NLGN4X: variants seen among roughly 807,000 people sequenced by gnomAD.
NLGN4X encodes neuroligin-4, X-linked.
A neutral mutation model predicts 40.3 loss-of-function variants in NLGN4X; 3 were observed. That is an observed-to-expected ratio of 0.07 (90% CI 0.03 to 0.19). NLGN4X has a LOEUF of 0.19. Among genes scored for constraint, NLGN4X ranks in the 10% least tolerant of loss-of-function variants. NLGN4X has a pLI of 1.00. For missense variants in NLGN4X, 382 were observed against 708.3 expected, an observed-to-expected ratio of 0.54 and a Z score of 5.23; for synonymous variants, 270 against 306.8, an observed-to-expected ratio of 0.88 and a Z score of 1.25.
intron 2 of NLGN4X, among the ~76,000 whole-genome samples, chrX:6,098,662 C>T (rs182484539): frequency 8.9e-6 from 1 of 111,977 alleles, no homozygotes; most frequent in Non-Finnish European, 1.9e-5. Context: ...GCCTAACTCC[C>T]CATTGCCGCT....
chrX:6,177,055 A>G (rs1920965552), intron 1 of NLGN4X, among the ~76,000 whole-genome samples: 1 of 112,440 alleles, frequency 8.9e-6, no homozygotes, highest in South Asian at 3.7e-4. Context: ...GTGACAAAGT[A>G]AAAGGGAAAA....
chrX:6,218,076 C>T (rs1478535536), intron 1 of NLGN4X, among the ~76,000 whole-genome samples: 1 of 111,688 alleles, frequency 9.0e-6, no homozygotes, highest in Non-Finnish European at 1.9e-5. Flanking sequence ...CCACAGCATA[C>T]AGTTGGCATG....
chrX:5,961,097 G>A (rs1255624829), intron 3 of NLGN4X, among the ~76,000 whole-genome samples: 3 of 110,650 alleles, frequency 2.7e-5, no homozygotes, highest in African/African-American at 9.9e-5. Flanking sequence ...GCGCGATCTC[G>A]GCTCACTGCA....
At chrX:6,157,908 G>T (rs951227674) in intron 1 of NLGN4X, among the ~76,000 whole-genome samples, 4 of 111,476 alleles carry the variant, frequency 3.6e-5, no homozygotes, top group Non-Finnish European at 7.5e-5. Flanking sequence ...ATGGGGTAAA[G>T]AAGGAGTTCC....
chrX:6,139,851 T>C (rs1276161740), intron 2 of NLGN4X, among the ~76,000 whole-genome samples: 1 of 111,725 alleles, frequency 9.0e-6, no homozygotes, highest in East Asian at 2.8e-4. Flanking sequence ...ATTTATTTAC[T>C]AATAATTTTT....
chrX:6,184,602 T>TA (rs201927036), intron 1 of NLGN4X, among the ~76,000 whole-genome samples: 7 of 108,261 alleles, frequency 6.5e-5, no homozygotes, highest in African/African-American at 1.0e-4. Context: ...TATCTTCTAT[T>TA]AAAAAAAAAA....
chrX:6,166,769 A>ATT (rs2040504338), intron 1 of NLGN4X, among the ~76,000 whole-genome samples: 2 of 111,254 alleles, frequency 1.8e-5, no homozygotes, highest in Admixed American at 1.9e-4. Context: ...TGCCCTGAGC[A>ATT]TAAGTACTTG....
At chrX:5,936,435 A>C (rs2033732067) in intron 3 of NLGN4X, among the ~76,000 whole-genome samples, 1 of 112,393 alleles carries the variant, frequency 8.9e-6, no homozygotes, top group Non-Finnish European at 1.9e-5. Flanking sequence ...CTAAATAATT[A>C]AGTCTCAATA....
At chrX:5,919,590 C>T (rs2032948337) in intron 3 of NLGN4X, among the ~76,000 whole-genome samples, 1 of 111,261 alleles carries the variant, frequency 9.0e-6, no homozygotes, top group African/African-American at 3.3e-5. Context: ...CTCCCTACCA[C>T]TCACATTACC....
intron 4 of NLGN4X, 130 bp from the exon 5 acceptor site, chrX:5,903,996 T>G: frequency 2.5e-6 from 2 of 804,300 alleles, no homozygotes; most frequent in African/African-American, 2.0e-5. Context: ...TTCAGCTCTG[T>G]CAGGGGCCCT....
At chrX:6,165,218 C>A (rs139064142) in intron 1 of NLGN4X, among the ~76,000 whole-genome samples, 1 of 112,009 alleles carries the variant, frequency 8.9e-6, no homozygotes, top group African/African-American at 3.2e-5. Context: ...ATAACCAAGG[C>A]TTCCAAGATC....
intron 2 of NLGN4X, among the ~76,000 whole-genome samples, chrX:6,109,590 C>A (rs1414003414): frequency 9.0e-6 from 1 of 111,493 alleles, no homozygotes; most frequent in Non-Finnish European, 1.9e-5. Context: ...AAAACTTTCG[C>A]AATCTCTCAC....
In NLGN4X at chrX:5,890,259, T is replaced by C. The variant is rs1415681810; in HGVS notation, c.*2558A>G. On this transcript the variant is annotated 3_prime_UTR_variant, in exon 6 of 6. Transcript: ENST00000381095. ...TTTTTCTTACTTTTTTCTCATTTTT[T>C]TTCTTTTTTCTCTTTTTTATAGATA... 1.2e-5 allele frequency: 2 copies of C among 165,838 alleles called. No homozygotes were observed. Among genetic ancestry groups the C allele is most frequent in the Non-Finnish European group, 2.2e-5 (2 of 90,572 alleles). The allele number at this position is 165,838 out of a possible 1,213,427, so 13.7% of individuals were successfully genotyped here.
chrX:6,121,155 CA>C, intron 2 of NLGN4X, among the ~76,000 whole-genome samples: 1 of 106,047 alleles, frequency 9.4e-6, no homozygotes, highest in African/African-American at 3.4e-5. Flanking sequence ...TACATACACA[CA>C]CACACACACA....
chrX:6,087,151 T>G (rs906803651), intron 2 of NLGN4X, among the ~76,000 whole-genome samples: 2 of 112,101 alleles, frequency 1.8e-5, no homozygotes, highest in African/African-American at 6.5e-5. Flanking sequence ...TAAATATAGG[T>G]GCAGTTATGG....
At chrX:6,066,733 C>A (rs2037927156) in intron 2 of NLGN4X, among the ~76,000 whole-genome samples, 2 of 110,676 alleles carry the variant, frequency 1.8e-5, no homozygotes, top group African/African-American at 3.3e-5. Context: ...TGCAGTGAGC[C>A]AAGATCGCGT....
chrX:6,161,841 T>A (rs1333364692), intron 1 of NLGN4X, among the ~76,000 whole-genome samples: 2 of 110,503 alleles, frequency 1.8e-5, no homozygotes, highest in Non-Finnish European at 3.8e-5. Context: ...TTTTTTGAGG[T>A]TTAAAGAGAT....
At chrX:6,223,206 G>A (rs1925864661) in intron 1 of NLGN4X, among the ~76,000 whole-genome samples, 1 of 110,313 alleles carries the variant, frequency 9.1e-6, no homozygotes, top group African/African-American at 3.3e-5. Flanking sequence ...TATTGTTGGG[G>A]TTAGGTCTGT....
intron 1 of NLGN4X, among the ~76,000 whole-genome samples, chrX:6,209,832 T>G (rs922082767): frequency 5.4e-5 from 6 of 111,569 alleles, no homozygotes; most frequent in Admixed American, 2.9e-4. Context: ...TAGATTAGAT[T>G]AGTTTGGTTT....
Sources: gnomAD v4.1 joint callset for allele counts (sites outside exome capture counted in the v4.1 genomes callset) on GRCh38, gnomAD v4.1.1 for gene constraint, MANE v1.5 for transcripts, NCBI Gene and HGNC (gene_info 2026-07-23, HGNC 2026-07-21) for gene names.